Variants in EYS observed in about 807,000 individuals in gnomAD.
EYS encodes the protein protein eyes shut homolog.
A neutral mutation model predicts 282.1 loss-of-function variants in EYS; 250 were observed. The ratio of observed to expected loss-of-function variants is 0.89; its 90% CI spans 0.80 to 0.98. The LOEUF (loss-of-function observed/expected upper bound fraction) is 0.98, where lower values mean the gene tolerates loss of function less well. EYS is among the 50% of genes least tolerant of loss of function. The pLI is 0.00. For missense variants in EYS, 4,016 were observed against 3,709.0 expected, an observed-to-expected ratio of 1.08 and a Z score of -2.15; for synonymous variants, 1,355 against 1,282.9, an observed-to-expected ratio of 1.06 and a Z score of -1.20.
chr6:64,006,741 C>G (rs963153876), intron 33 of EYS, among the ~76,000 whole-genome samples: 1 of 152,100 alleles, frequency 6.6e-6, no homozygotes, highest in Non-Finnish European at 1.5e-5. Context: ...TTTTCTGCAT[C>G]TATTGAGATA....
intron 8 of EYS, among the ~76,000 whole-genome samples, chr6:65,359,498 T>C (rs1764617222): frequency 6.6e-6 from 1 of 152,010 alleles, no homozygotes; most frequent in Non-Finnish European, 1.5e-5. Flanking sequence ...GGAAAGATAA[T>C]GATTTCCATT....
intron 2 of EYS, among the ~76,000 whole-genome samples, chr6:65,601,353 T>G (rs944050102): frequency 1.3e-5 from 2 of 151,876 alleles, no homozygotes; most frequent in Non-Finnish European, 2.9e-5. Flanking sequence ...ATTAGAAATA[T>G]GAAACCTTGT....
At chr6:63,864,409 T>C in intron 35 of EYS, 51 bp from the exon 36 acceptor site, 1 of 1,358,992 alleles carries the variant, frequency 7.4e-7, no homozygotes, top group Non-Finnish European at 1.0e-6. Context: ...TGATATTTTC[T>C]ACACACATAC....
intron 22 of EYS, among the ~76,000 whole-genome samples, chr6:64,767,477 C>A (rs1773388355): frequency 6.6e-6 from 1 of 151,914 alleles, no homozygotes; most frequent in Admixed American, 6.6e-5. Flanking sequence ...TTTTCTTTTT[C>A]TATTTTTTAC....
At chr6:64,735,297 A>T (rs1018130914) in intron 22 of EYS, among the ~76,000 whole-genome samples, 1 of 152,106 alleles carries the variant, frequency 6.6e-6, no homozygotes, top group Admixed American at 6.5e-5. Context: ...GTTAGCCAGG[A>T]TGGTCTCGAT....
At chr6:65,423,229 G>C (rs1309851650) in intron 5 of EYS, among the ~76,000 whole-genome samples, 2 of 151,748 alleles carry the variant, frequency 1.3e-5, no homozygotes, top group Non-Finnish European at 2.9e-5. Flanking sequence ...GAGAACGCTG[G>C]CAACATTTTA....
intron 22 of EYS, among the ~76,000 whole-genome samples, chr6:64,657,570 A>T (rs7452783): frequency 6.6e-6 from 1 of 151,854 alleles, no homozygotes; most frequent in African/African-American, 2.4e-5. Flanking sequence ...AATATCTCAG[A>T]ATTTGCTTGT....
intron 2 of EYS, among the ~76,000 whole-genome samples, chr6:65,627,593 C>G (rs1766756152): frequency 6.6e-6 from 1 of 152,184 alleles, no homozygotes; most frequent in South Asian, 2.1e-4. Context: ...TCCGGGTCAG[C>G]TGGAGTTCCG....
intron 31 of EYS, among the ~76,000 whole-genome samples, chr6:64,160,595 C>T (rs1775074046): frequency 6.6e-6 from 1 of 152,124 alleles, no homozygotes; most frequent in African/African-American, 2.4e-5. Flanking sequence ...GAATTTGGGG[C>T]CCTCTGCTGA....
chr6:64,769,911 A>G (rs1238325414), intron 22 of EYS, among the ~76,000 whole-genome samples: 6 of 152,030 alleles, frequency 3.9e-5, no homozygotes, highest in Non-Finnish European at 8.8e-5. Flanking sequence ...CTACTTTTCA[A>G]ATATGTTTCT....
At chr6:63,795,288 G>A (rs1457108522) in intron 37 of EYS, among the ~76,000 whole-genome samples, 1 of 152,220 alleles carries the variant, frequency 6.6e-6, no homozygotes, top group Non-Finnish European at 1.5e-5. Flanking sequence ...ACCAAGAATA[G>A]TGATTTATTA....
chr6:64,851,220 A>G (rs1168191502), intron 19 of EYS, among the ~76,000 whole-genome samples: 1 of 152,102 alleles, frequency 6.6e-6, no homozygotes, highest in Non-Finnish European at 1.5e-5. Context: ...AGTTCTGAAC[A>G]TCAAGCCAGA....
At chr6:65,411,830 G>A (rs184004046) in intron 5 of EYS, among the ~76,000 whole-genome samples, 90 of 142,862 alleles carry the variant, frequency 6.3e-4, no homozygotes, top group Middle Eastern at 3.7e-3. Flanking sequence ...TTTTTTTTTC[G>A]GTTAATTGGT....
chr6:65,118,866 AG>A (rs1168497832), intron 12 of EYS, among the ~76,000 whole-genome samples: 1 of 143,694 alleles, frequency 7.0e-6, no homozygotes, highest in African/African-American at 2.7e-5. Flanking sequence ...CAAGTTTCAC[AG>A]GTTCTTTAAG....
intron 19 of EYS, among the ~76,000 whole-genome samples, chr6:64,862,724 T>C (rs1562231219): frequency 6.6e-6 from 1 of 152,120 alleles, no homozygotes; most frequent in Non-Finnish European, 1.5e-5. Flanking sequence ...TGCCAGGCAT[T>C]CGTATGTAAT....
At chr6:64,751,077 G>A (rs1433511642) in intron 22 of EYS, among the ~76,000 whole-genome samples, 1 of 152,080 alleles carries the variant, frequency 6.6e-6, no homozygotes, top group African/African-American at 2.4e-5. Context: ...ACAAGCCTGG[G>A]CATATCTCCT....
intron 36 of EYS, among the ~76,000 whole-genome samples, chr6:63,827,230 C>A (rs931707082): frequency 9.9e-5 from 15 of 152,214 alleles, no homozygotes; most frequent in African/African-American, 2.9e-4. Context: ...TATCACAAAC[C>A]TAAACACATA....
At chr6:63,993,164 T>C (rs1767681066) in intron 34 of EYS, among the ~76,000 whole-genome samples, 1 of 151,594 alleles carries the variant, frequency 6.6e-6, no homozygotes, top group Non-Finnish European at 1.5e-5. Context: ...CTCAGCAAAT[T>C]AGGATTAGGA....
intron 26 of EYS, among the ~76,000 whole-genome samples, chr6:64,447,276 T>G (rs1775146949): frequency 6.6e-6 from 1 of 152,120 alleles, no homozygotes; most frequent in Non-Finnish European, 1.5e-5. Context: ...TACTTTAAAT[T>G]TCTGTGTTCT....
Sources: allele counts gnomAD v4.1 joint callset (sites outside exome capture counted in the v4.1 genomes callset), GRCh38; gene constraint gnomAD v4.1.1; transcripts MANE v1.5; gene names NCBI Gene and HGNC (gene_info 2026-07-23, HGNC 2026-07-21).